The following PTPRD variants were observed in gnomAD, a reference collection of about 807,000 sequenced individuals.
PTPRD encodes the protein protein tyrosine phosphatase receptor type D.
Under a neutral mutation model 214.5 loss-of-function variants are expected in PTPRD, and 34 were observed. The observed-to-expected ratio is 0.16, with a 90% confidence interval of 0.12 to 0.21. The LOEUF is 0.21. Ranked by LOEUF, PTPRD falls within the 10% of genes least tolerant of loss-of-function variation. PTPRD has a pLI of 1.00. For missense variants in PTPRD, 2,545 were observed against 2,398.7 expected (o/e 1.06, Z -1.27); for synonymous variants, 1,128 against 845.7 (o/e 1.33, Z -5.79).
Position 8,438,985 on chromosome 9 carries a change from G to A in PTPRD, c.3989-2296C>T, listed in dbSNP as rs931495745. ...AGTTTATTAAAGAAAAATTCAAGCA[G>A]ACCTACATTGAGTCATTATATTCCA... On this transcript the variant is annotated intron_variant, in intron 34 of 45. Transcript: ENST00000381196. 2.0e-5 allele frequency among the ~76,000 whole-genome samples: 3 copies of A among 152,234 alleles called. No homozygotes were observed. In the South Asian group the frequency reaches 6.2e-4, roughly 32 times the overall value.
intron 8 of PTPRD, among the ~76,000 whole-genome samples, chr9:9,479,083 A>G (rs1392087831): frequency 6.6e-6 from 1 of 152,052 alleles, no homozygotes; most frequent in Non-Finnish European, 1.5e-5. Context: ...TTTTTCTTTC[A>G]TAATGTGTAC....
At chr9:8,733,195 G>A (rs1488075177) in intron 12 of PTPRD, among the ~76,000 whole-genome samples, 1 of 152,140 alleles carries the variant, frequency 6.6e-6, no homozygotes, top group East Asian at 1.9e-4. Context: ...AAGCTTTGGT[G>A]TCTCTAGTCC....
At chr9:9,941,726 T>C (rs917495614) in intron 4 of PTPRD, among the ~76,000 whole-genome samples, 8 of 152,172 alleles carry the variant, frequency 5.3e-5, no homozygotes, top group Admixed American at 1.3e-4. Context: ...AACTGGTGCA[T>C]GGTGGAGAGT....
intron 8 of PTPRD, among the ~76,000 whole-genome samples, chr9:9,443,625 C>T (rs1025524890): frequency 6.6e-6 from 1 of 152,096 alleles, no homozygotes; most frequent in African/African-American, 2.4e-5. Context: ...TTGGAGAAGC[C>T]ATGAGAACAC....
chr9:10,266,807 C>T (rs763133450), intron 3 of PTPRD, among the ~76,000 whole-genome samples: 17 of 151,996 alleles, frequency 1.1e-4, no homozygotes, highest in Non-Finnish European at 2.2e-4. Context: ...AAAAATTTAG[C>T]GTGTAAAGCC....
At chr9:9,659,857 T>C (rs1025422709) in intron 7 of PTPRD, among the ~76,000 whole-genome samples, 4 of 152,034 alleles carry the variant, frequency 2.6e-5, no homozygotes, top group Admixed American at 1.3e-4. Context: ...AGGAATAACC[T>C]ATTCTACTTT....
At chr9:9,212,891 C>T (rs544790210) in intron 9 of PTPRD, among the ~76,000 whole-genome samples, 3 of 152,138 alleles carry the variant, frequency 2.0e-5, no homozygotes, top group South Asian at 2.1e-4. Flanking sequence ...TAGTATGTGA[C>T]TTGAGGTCAT....
intron 14 of PTPRD, among the ~76,000 whole-genome samples, chr9:8,607,947 T>C (rs1011172375): frequency 6.6e-6 from 1 of 152,216 alleles, no homozygotes; most frequent in African/African-American, 2.4e-5. Context: ...ATGTCAAATA[T>C]AACTCTATTC....
At chr9:9,019,309 A>AAAGAAAGAAAGAAAGAAAGAAAGG (rs2099551705) in intron 10 of PTPRD, among the ~76,000 whole-genome samples, 12 of 107,794 alleles carry the variant, frequency 1.1e-4, no homozygotes, top group Non-Finnish European at 2.1e-4. Flanking sequence ...AGAAAGAAAG[A>AAAGAAAGAAAGAAAGAAAGAAAGG]AAGAAAGAAA....
intron 4 of PTPRD, among the ~76,000 whole-genome samples, chr9:9,986,192 C>T (rs776964038): frequency 7.9e-5 from 12 of 152,060 alleles, no homozygotes; most frequent in African/African-American, 1.4e-4. Flanking sequence ...TTCTGTAGAA[C>T]GCTCCAGAAT....
At chr9:9,280,451 A>C (rs1205045640) in intron 9 of PTPRD, among the ~76,000 whole-genome samples, 1 of 151,356 alleles carries the variant, frequency 6.6e-6, no homozygotes, top group East Asian at 2.0e-4. Flanking sequence ...TATAAGACTA[A>C]TTTATAAAAA....
intron 11 of PTPRD, among the ~76,000 whole-genome samples, chr9:8,753,060 A>G (rs2093675734): frequency 1.3e-5 from 2 of 152,210 alleles, no homozygotes; most frequent in African/African-American, 4.8e-5. Flanking sequence ...CATCTAAATT[A>G]ATTTGGTCTT....
At chr9:9,796,009 A>G (rs57070002) in intron 5 of PTPRD, among the ~76,000 whole-genome samples, 7 of 152,182 alleles carry the variant, frequency 4.6e-5, no homozygotes, top group Admixed American at 3.3e-4. Flanking sequence ...ATATAGAATT[A>G]CAGAATTATA....
chr9:10,538,480 T>C (rs188862284), intron 2 of PTPRD, among the ~76,000 whole-genome samples: 2,707 of 152,178 alleles, frequency 0.018, 34 homozygotes, highest in Non-Finnish European at 0.029. Context: ...AATCCCTCTC[T>C]CTATATATAC....
At chr9:10,346,188 A>G (rs1239493750) in intron 2 of PTPRD, among the ~76,000 whole-genome samples, 1 of 152,250 alleles carries the variant, frequency 6.6e-6, no homozygotes, top group Non-Finnish European at 1.5e-5. Context: ...GTAGAAGTCT[A>G]TGAAAAGAAT....
chr9:9,167,227 A>T (rs999860671), intron 10 of PTPRD, among the ~76,000 whole-genome samples: 9 of 151,940 alleles, frequency 5.9e-5, no homozygotes, highest in African/African-American at 2.2e-4. Context: ...TTCTCTTCAC[A>T]ATTACCATAG....
At chr9:10,419,204 T>A (rs1011629601) in intron 2 of PTPRD, among the ~76,000 whole-genome samples, 6 of 151,946 alleles carry the variant, frequency 3.9e-5, no homozygotes, top group African/African-American at 1.2e-4. Flanking sequence ...TAAATGATTT[T>A]CAGGCCTCAA....
At chr9:9,201,434 C>G (rs1044632691) in intron 9 of PTPRD, among the ~76,000 whole-genome samples, 1 of 151,958 alleles carries the variant, frequency 6.6e-6, no homozygotes, top group Non-Finnish European at 1.5e-5. Flanking sequence ...TCTGTTGATA[C>G]CAAGTTTATT....
At chr9:9,229,169 A>T (rs2099961477) in intron 9 of PTPRD, among the ~76,000 whole-genome samples, 1 of 152,148 alleles carries the variant, frequency 6.6e-6, no homozygotes. Context: ...CTAAATATAG[A>T]CATTTTAAAA....
Sources: allele counts gnomAD v4.1 joint callset (sites outside exome capture counted in the v4.1 genomes callset), GRCh38; gene constraint gnomAD v4.1.1; transcripts MANE v1.5; gene names NCBI Gene and HGNC (gene_info 2026-07-23, HGNC 2026-07-21).